The following CLIP4 variants were observed in gnomAD, a reference collection of about 807,000 sequenced individuals.
CLIP4 encodes the protein CAP-Gly domain containing linker protein family member 4.
CLIP4 carries 47 observed loss-of-function variants against 73.1 expected under a neutral mutation model. The observed-to-expected ratio is 0.64, with a 90% CI of 0.51 to 0.82. CLIP4 has a LOEUF of 0.82. CLIP4 is among the 40% of genes least tolerant of loss of function. CLIP4 has a pLI of 0.00. For synonymous variants in CLIP4, 306 were observed against 295.4 expected, an observed-to-expected ratio of 1.04 and a Z score of -0.37; for missense variants, 874 against 852.9, an observed-to-expected ratio of 1.02 and a Z score of -0.31.
At chr2:29,131,975 T>G in intron 3 of CLIP4, 177 bp from the exon 4 acceptor site, 2 of 478,562 alleles carry the variant, frequency 4.2e-6, no homozygotes. Flanking sequence ...TCAGTTTTCA[T>G]TATTGTTGTT....
At chr2:29,177,513 A>T (rs755306318) in intron 15 of CLIP4, among the ~76,000 whole-genome samples, 1 of 151,888 alleles carries the variant, frequency 6.6e-6, no homozygotes, top group African/African-American at 2.4e-5. Flanking sequence ...CCTGGGGGGC[A>T]GAGGTTGCAG....
intron 7 of CLIP4, 62 bp downstream of exon 7, chr2:29,144,007 G>GGC (rs113143402): frequency 4.4e-5 from 58 of 1,318,130 alleles, no homozygotes; most frequent in Non-Finnish European, 5.9e-5. Context: ...TATGTTCAAG[G>GGC]ACACAGTATG....
intron 8 of CLIP4, among the ~76,000 whole-genome samples, chr2:29,147,199 T>C (rs1245283397): frequency 6.6e-6 from 1 of 152,102 alleles, no homozygotes; most frequent in South Asian, 2.1e-4. Flanking sequence ...ATTTCTCTTA[T>C]TGTGGTGAAA....
At chr2:29,146,147 GT>G (rs1364626538) in intron 8 of CLIP4, among the ~76,000 whole-genome samples, 1 of 152,168 alleles carries the variant, frequency 6.6e-6, no homozygotes, top group Non-Finnish European at 1.5e-5. Flanking sequence ...GATGAGAGGG[GT>G]TTTTTCGTTA....
At chr2:29,180,614 ATTTG>A (rs1228056023) in intron 15 of CLIP4, among the ~76,000 whole-genome samples, 3 of 152,308 alleles carry the variant, frequency 2.0e-5, no homozygotes, top group South Asian at 2.1e-4. Flanking sequence ...AGTTTTTAAA[ATTTG>A]TTTGCATATG....
At chr2:29,115,139 G>A (rs956299282), upstream of CLIP4, 10 of 152,530 alleles carry the variant, frequency 6.6e-5, no homozygotes, top group African/African-American at 2.4e-4. The surrounding 1 kb of genome is among the most constrained non-coding windows in gnomAD (Gnocchi z 5.1). Flanking sequence ...ACTCTGGGGA[G>A]CCCAAGACGG....
chr2:29,152,713 T>G lies in CLIP4; in HGVS notation c.1050T>G (p.Ser350Arg). 1 of 1,613,530 alleles carries G rather than the reference T, an allele frequency of 6.2e-7. No homozygotes were observed. The highest frequency in any genetic ancestry group is 8.5e-7 in the Non-Finnish European group (1 of 1,179,746). ...YGIFAPLSKI[S>R]KAKGRRKNIT... ...TTTTTGCACCTCTTTCAAAGATAAG[T>G]AAAGCAAAAGGTCGAAGGAAGAATA... Residue 350 changes from serine (S) to arginine (R), a missense_variant, in exon 9 of 16, where the codon AGT (serine) becomes AGG (arginine). Transcript: ENST00000320081.
chr2:29,100,706 G>A (rs889454662), intron 1 of CLIP4, among the ~76,000 whole-genome samples: 1 of 151,632 alleles, frequency 6.6e-6, no homozygotes, highest in African/African-American at 2.4e-5. Flanking sequence ...GATAAGTGCA[G>A]GTAGATTACA....
chr2:29,179,511 T>C (rs1668530142), intron 15 of CLIP4, among the ~76,000 whole-genome samples: 1 of 152,218 alleles, frequency 6.6e-6, no homozygotes, highest in Non-Finnish European at 1.5e-5. Flanking sequence ...TTCATCTCTC[T>C]GACCTTAGGC....
At chr2:29,120,314 A>G (rs2148460699) in intron 1 of CLIP4, among the ~76,000 whole-genome samples, 1 of 152,320 alleles carries the variant, frequency 6.6e-6, no homozygotes, top group South Asian at 2.1e-4. Context: ...TTAAGAAAAC[A>G]TGAATCAAGT....
intron 2 of CLIP4, among the ~76,000 whole-genome samples, chr2:29,125,198 G>A (rs928083922): frequency 6.6e-6 from 1 of 152,110 alleles, no homozygotes; most frequent in Non-Finnish European, 1.5e-5. Context: ...GACTGGTACT[G>A]GTCCCCCTAC....
intron 14 of CLIP4, among the ~76,000 whole-genome samples, chr2:29,171,160 T>C (rs1376449153): frequency 6.6e-6 from 1 of 152,224 alleles, no homozygotes; most frequent in Non-Finnish European, 1.5e-5. Context: ...TTAATTGGGA[T>C]TGCATTGACT....
chr2:29,135,175 C>A (rs1442914335), intron 5 of CLIP4, among the ~76,000 whole-genome samples: 1 of 152,152 alleles, frequency 6.6e-6, no homozygotes. Context: ...GACCCCTGAG[C>A]TAAACTCTAC....
At chr2:29,171,440 CTT>C (rs1321384416) in intron 14 of CLIP4, among the ~76,000 whole-genome samples, 1 of 151,322 alleles carries the variant, frequency 6.6e-6, no homozygotes, top group African/African-American at 2.4e-5. Context: ...CCGAATATAT[CTT>C]TTTCTGTCCA....
chr2:29,161,298 A>G (rs1469165647), intron 12 of CLIP4, among the ~76,000 whole-genome samples: 2 of 152,146 alleles, frequency 1.3e-5, no homozygotes, highest in Admixed American at 6.5e-5. Flanking sequence ...TGTGTTGTCA[A>G]TGATTATAAT....
chr2:29,152,857 G>C (rs1393388713), intron 9 of CLIP4, 29 bp downstream of exon 9: 3 of 1,600,736 alleles, frequency 1.9e-6, no homozygotes, highest in Admixed American at 3.6e-5. Context: ...TTAACCATCT[G>C]CTTCAGTGTT....
Position 29,132,308 on chromosome 2 carries a change from A to T in CLIP4, c.367+63A>T, listed in dbSNP as rs1038218202. ...CTGCACTTGTGCTTAGATAATCTATATTTATGCCCATATATTGTCTGGGGG... is the reference window on the plus strand; with the variant it reads ...CTGCACTTGTGCTTAGATAATCTATTTTTATGCCCATATATTGTCTGGGGG... On this transcript the variant is annotated intron_variant, in intron 4 of 15. Coordinates refer to ENST00000320081, the MANE Select transcript of CLIP4 (RefSeq NM_024692.6). 3.1e-6 allele frequency: 4 copies of T among 1,311,098 alleles called. No homozygotes were observed. The African/African-American group carries it at 5.8e-5, about 19-fold the overall frequency. 81.2% of individuals were successfully genotyped at this position (1,311,098 alleles called of 1,614,324 possible). A position where few individuals can be genotyped will look rare whatever the true frequency, so the allele number is the denominator to read the frequency against.
At chr2:29,153,764 T>C (rs7574394) in intron 9 of CLIP4, among the ~76,000 whole-genome samples, 52 of 152,280 alleles carry the variant, frequency 3.4e-4, no homozygotes, top group African/African-American at 1.1e-3. Flanking sequence ...TTATATTCTG[T>C]TCCACTGGGC....
intron 15 of CLIP4, chr2:29,174,662 A>T: frequency 1.6e-6 from 2 of 1,260,144 alleles, no homozygotes; most frequent in Non-Finnish European, 2.0e-6. Context: ...TGCACTGCAT[A>T]TATTTTATCT....
Sources: allele counts gnomAD v4.1 joint callset (sites outside exome capture counted in the v4.1 genomes callset), GRCh38; gene constraint gnomAD v4.1.1; non-coding constraint Gnocchi (gnomAD v3.1); transcripts MANE v1.5; gene names NCBI Gene and HGNC (gene_info 2026-07-23, HGNC 2026-07-21).